Variants in DAPK2 observed in about 807,000 individuals in gnomAD.
DAPK2 encodes the protein death-associated protein kinase 2.
Under a neutral mutation model 44.1 loss-of-function variants are expected in DAPK2, and 35 were observed. The observed-to-expected ratio is 0.79, with a 90% CI of 0.61 to 1.05. DAPK2 has a LOEUF of 1.05. Among genes scored for constraint, DAPK2 ranks in the 50% least tolerant of loss-of-function variants. The pLI, the probability that DAPK2 is intolerant of heterozygous loss-of-function variation, is 0.00. For synonymous variants in DAPK2, 174 were observed against 182.6 expected, an observed-to-expected ratio of 0.95 and a Z score of 0.38; for missense variants, 453 against 483.2, an observed-to-expected ratio of 0.94 and a Z score of 0.59.
At chr15:63,971,987 G>T (rs1338176285) in intron 2 of DAPK2, among the ~76,000 whole-genome samples, 1 of 152,160 alleles carries the variant, frequency 6.6e-6, no homozygotes, top group Non-Finnish European at 1.5e-5. Flanking sequence ...AGGGCCTTTG[G>T]GAAGTAATTA....
At chr15:64,041,336 T>G (rs2080348941), upstream of DAPK2, among the ~76,000 whole-genome samples, 2 of 152,188 alleles carry the variant, frequency 1.3e-5, no homozygotes, top group Non-Finnish European at 2.9e-5. Context: ...CTGAGCCAAC[T>G]CTGCCTGCCC....
At chr15:63,968,486 G>A (rs941323311) in intron 3 of DAPK2, among the ~76,000 whole-genome samples, 1 of 152,210 alleles carries the variant, frequency 6.6e-6, no homozygotes, top group Non-Finnish European at 1.5e-5. Context: ...TCAGCTCTCT[G>A]CTGGACAATT....
rs2141205159 is a variant in DAPK2 at position 64,038,920 on chromosome 15, C to T, written c.92+1250G>A. Reference sequence around the variant, plus strand: ...ACTGAGATAAATGCATATCTGATTGCCTCCTTTAGAAAGGCTAATTAGAAA... The same window carrying T: ...ACTGAGATAAATGCATATCTGATTGTCTCCTTTAGAAAGGCTAATTAGAAA... On this transcript the variant is annotated intron_variant, in intron 1 of 10. Coordinates refer to ENST00000261891, the Ensembl canonical transcript of DAPK2. Among the ~76,000 whole-genome samples the T allele has an allele frequency of 3.3e-5, 5 of 152,332 alleles. No individual in the cohort carries two copies. The Middle Eastern group carries it at 0.017, about 518-fold the overall frequency.
chr15:63,989,561 C>G (rs2078760578), intron 1 of DAPK2, among the ~76,000 whole-genome samples: 1 of 152,152 alleles, frequency 6.6e-6, no homozygotes, highest in Non-Finnish European at 1.5e-5. Flanking sequence ...CAGAAGAGAA[C>G]AGTATTCGAC....
chr15:64,015,348 C>A (rs1334835247), intron 1 of DAPK2, among the ~76,000 whole-genome samples: 1 of 152,160 alleles, frequency 6.6e-6, no homozygotes, highest in Non-Finnish European at 1.5e-5. Flanking sequence ...CTTCCCATTG[C>A]CTAAAGGTCT....
At chr15:63,946,991 C>T (rs1331265399) in intron 3 of DAPK2, among the ~76,000 whole-genome samples, 1 of 152,152 alleles carries the variant, frequency 6.6e-6, no homozygotes, top group African/African-American at 2.4e-5. Flanking sequence ...CACAGCCAGC[C>T]CCTCCCCACA....
chr15:64,046,355 C>CGCGGCGGGAGCGGCGGGA (rs1485137952), upstream of DAPK2: 1 of 350,924 alleles, frequency 2.8e-6, no homozygotes, highest in Non-Finnish European at 3.2e-6. This position sits in a 1 kb window ranked among gnomAD's most constrained non-coding sequence, Gnocchi z 5.3. Context: ...GAGCGGCGGG[C>CGCGGCGGGAGCGGCGGGA]GCGGCGGGCG....
At chr15:64,033,839 C>G (rs758214164) in intron 1 of DAPK2, among the ~76,000 whole-genome samples, 6 of 151,532 alleles carry the variant, frequency 4.0e-5, no homozygotes, top group African/African-American at 7.3e-5. Context: ...ACCGTGAACC[C>G]GGGAGGCAGA....
At chr15:64,005,878 T>G (rs1191009815) in intron 1 of DAPK2, among the ~76,000 whole-genome samples, 3 of 151,406 alleles carry the variant, frequency 2.0e-5, no homozygotes, top group South Asian at 2.1e-4. Flanking sequence ...AGAAAAAAAT[T>G]TTTTAATTAG....
intron 1 of DAPK2, among the ~76,000 whole-genome samples, chr15:63,996,282 A>G (rs987468620): frequency 6.6e-6 from 1 of 152,072 alleles, no homozygotes; most frequent in Non-Finnish European, 1.5e-5. Flanking sequence ...CTGCCCCCCA[A>G]AATTGTTTTA....
intron 8 of DAPK2, chr15:63,922,708 G>T: frequency 6.7e-7 from 1 of 1,493,076 alleles, no homozygotes; most frequent in Non-Finnish European, 8.9e-7. Flanking sequence ...AACCTCTTGG[G>T]ATGCATCACT....
At chr15:64,045,875 A>T (rs1001056692) in intron 1 of DAPK2, among the ~76,000 whole-genome samples, 7 of 152,136 alleles carry the variant, frequency 4.6e-5, no homozygotes, top group African/African-American at 1.7e-4. Flanking sequence ...CAGACATCTG[A>T]GCACCCTCCT....
chr15:63,935,813 T>C (rs2077129157), intron 4 of DAPK2: 1 of 152,226 alleles, frequency 6.6e-6, no homozygotes, highest in South Asian at 2.1e-4. Flanking sequence ...TTCATATTTC[T>C]ATGTCTTTGT....
chr15:64,027,040 T>C (rs1250949481), intron 1 of DAPK2, among the ~76,000 whole-genome samples: 10 of 152,080 alleles, frequency 6.6e-5, no homozygotes, highest in Non-Finnish European at 4.4e-5. Context: ...GCCCAGGAGT[T>C]CAAGACCAGC....
chr15:63,983,548 AC>A lies in DAPK2; in HGVS notation c.298del (p.Val100CysfsTer6). On this transcript the variant is annotated frameshift_variant, in exon 2 of 11. Transcript: ENST00000261891. LOFTEE classifies it high-confidence loss of function. ...CCCCACTCACAGCTCAAGGATGAGC[AC>A]CACGTCGGTGCGGTTCTCATAGACG... 6.2e-7 allele frequency: 1 copy of A among 1,614,190 alleles called. No individual in the cohort carries two copies. The highest frequency in any genetic ancestry group is 8.5e-7 in the Non-Finnish European group (1 of 1,180,012).
chr15:63,909,006 A>T (rs2078715189), intron 10 of DAPK2: 1 of 153,748 alleles, frequency 6.5e-6, no homozygotes, highest in Admixed American at 6.5e-5. Context: ...CCCATGCTTG[A>T]CAGCCACCAT....
chr15:63,984,248 T>G (rs1471263840), intron 1 of DAPK2, among the ~76,000 whole-genome samples: 1 of 152,170 alleles, frequency 6.6e-6, no homozygotes, highest in African/African-American at 2.4e-5. Flanking sequence ...ATTAGGAAAC[T>G]GAGGCATAAG....
chr15:63,953,126 AC>A (rs1167716003), intron 3 of DAPK2, among the ~76,000 whole-genome samples: 1 of 150,348 alleles, frequency 6.7e-6, no homozygotes, highest in Non-Finnish European at 1.5e-5. Context: ...TTTATACCTC[AC>A]CCCCCTCCCA....
At chr15:64,010,530 T>C (rs945954312) in intron 1 of DAPK2, among the ~76,000 whole-genome samples, 1 of 152,180 alleles carries the variant, frequency 6.6e-6, no homozygotes, top group African/African-American at 2.4e-5. Context: ...TACATTTGTC[T>C]CTCAGCCTCA....
Sources: gnomAD v4.1 joint callset for allele counts (sites outside exome capture counted in the v4.1 genomes callset) on GRCh38, gnomAD v4.1.1 for gene constraint, Gnocchi (gnomAD v3.1) non-coding constraint, MANE v1.5 for transcripts, NCBI Gene and HGNC (gene_info 2026-07-23, HGNC 2026-07-21) for gene names.